The following EPB41L1 variants were observed in gnomAD, a reference collection of about 807,000 sequenced individuals.
EPB41L1 encodes the protein erythrocyte membrane protein band 4.1 like 1.
In EPB41L1, 29 loss-of-function variants were observed where a neutral mutation model predicts 97.8. The ratio of observed to expected loss-of-function variants is 0.30; its 90% confidence interval spans 0.22 to 0.40. The LOEUF (loss-of-function observed/expected upper bound fraction) is 0.40, where lower values mean the gene tolerates loss of function less well. Ranked by LOEUF, EPB41L1 falls within the 10% of genes least tolerant of loss-of-function variation. The pLI, the probability that EPB41L1 is intolerant of heterozygous loss-of-function variation, is 1.00. For missense variants in EPB41L1, 812 were observed against 1,162.3 expected, an observed-to-expected ratio of 0.70 and a Z score of 4.38; for synonymous variants, 383 against 459.2, an observed-to-expected ratio of 0.83 and a Z score of 2.12.
Position 36,206,672 on chromosome 20 carries a change from C to T in EPB41L1, c.1669-2816C>T. ...ACTTCCCCAAAGGAAGGGGCAGGGACCCCCAAGAACCATGGAGGACCTGGT... is the reference window on the plus strand; with the variant it reads ...ACTTCCCCAAAGGAAGGGGCAGGGATCCCCAAGAACCATGGAGGACCTGGT... On this transcript the variant is annotated intron_variant, in intron 14 of 21. Transcript: ENST00000338074. This position sits in a 1 kb window ranked among gnomAD's most constrained non-coding sequence, Gnocchi z 5.5. 2.3e-6 allele frequency: 3 copies of T among 1,289,808 alleles called. No individual in the cohort carries two copies. The highest frequency in any genetic ancestry group is 3.0e-6 in the Non-Finnish European group (3 of 988,866). The allele number at this position is 1,289,808 out of a possible 1,614,324, so 79.9% of individuals were successfully genotyped here.
chr20:36,206,946 G>C lies in EPB41L1; in HGVS notation c.1669-2542G>C. ...GCGCCCTTCCTCGGGCCATCCCTCT[G>C]AATGTCAGGAAGCCAGTCAAACCAG... On this transcript the variant is annotated intron_variant, in intron 14 of 21. Coordinates refer to ENST00000338074, the MANE Select transcript of EPB41L1 (RefSeq NM_012156.2). This position sits in a 1 kb window ranked among gnomAD's most constrained non-coding sequence, Gnocchi z 5.5. 7.8e-7 allele frequency: 1 copy of C among 1,289,932 alleles called. No homozygotes were observed. The highest frequency in any genetic ancestry group is 1.0e-6 in the Non-Finnish European group (1 of 988,896). The allele number at this position is 1,289,932 out of a possible 1,614,324, so 79.9% of individuals were successfully genotyped here. A position where few individuals can be genotyped will look rare whatever the true frequency, so the allele number is the denominator to read the frequency against.
chr20:36,203,639 A>G (rs2062622344), intron 14 of EPB41L1, among the ~76,000 whole-genome samples: 3 of 152,232 alleles, frequency 2.0e-5, no homozygotes, highest in Admixed American at 2.0e-4. Context: ...GGAAATGAGC[A>G]AAAGGACCTA....
intron 5 of EPB41L1, among the ~76,000 whole-genome samples, chr20:36,179,815 G>T (rs1407136613): frequency 3.3e-5 from 5 of 152,220 alleles, no homozygotes; most frequent in Non-Finnish European, 7.3e-5. Context: ...CTTCCTGAAG[G>T]TTCTGTCAGT....
intron 2 of EPB41L1, among the ~76,000 whole-genome samples, chr20:36,146,680 G>A (rs965007923): frequency 2.6e-5 from 4 of 152,204 alleles, no homozygotes; most frequent in Non-Finnish European, 4.4e-5. Flanking sequence ...CCAGCTTCTG[G>A]AAGTGAAGTG....
chr20:36,155,701 C>G (rs766737904), intron 1 of EPB41L1: 1 of 448,356 alleles, frequency 2.2e-6, no homozygotes, highest in Non-Finnish European at 4.5e-6. Flanking sequence ...ATGCTGGTCT[C>G]TCCCTCAGCT....
intron 1 of EPB41L1, among the ~76,000 whole-genome samples, chr20:36,157,178 C>G (rs533119283): frequency 6.6e-6 from 1 of 152,030 alleles, no homozygotes; most frequent in Admixed American, 6.5e-5. Flanking sequence ...GAGCCGACAT[C>G]GTGCCACTGC....
At chr20:36,193,852 A>G (rs1431421231) in intron 11 of EPB41L1, among the ~76,000 whole-genome samples, 1 of 152,216 alleles carries the variant, frequency 6.6e-6, no homozygotes, top group Admixed American at 6.5e-5. Context: ...ATTTATATAC[A>G]TTAGCTTGTT....
intron 1 of EPB41L1, among the ~76,000 whole-genome samples, chr20:36,170,296 T>C (rs2060934640): frequency 6.6e-6 from 1 of 152,198 alleles, no homozygotes. Flanking sequence ...TCTCCAAGTA[T>C]AGTAGCAAAA....
chr20:36,169,935 G>A (rs992138259), intron 1 of EPB41L1, among the ~76,000 whole-genome samples: 8 of 152,164 alleles, frequency 5.3e-5, no homozygotes, highest in Non-Finnish European at 1.0e-4. Flanking sequence ...ACCAGCACGT[G>A]CTTCCCTCCA....
chr20:36,141,154 T>C (rs2147827162), intron 2 of EPB41L1, among the ~76,000 whole-genome samples: 1 of 152,240 alleles, frequency 6.6e-6, no homozygotes, highest in Middle Eastern at 3.4e-3. Flanking sequence ...TCCTTATCTG[T>C]CAATATCAGA....
chr20:36,144,338 G>A (rs1001639978), intron 2 of EPB41L1, among the ~76,000 whole-genome samples: 1 of 152,082 alleles, frequency 6.6e-6, no homozygotes, highest in African/African-American at 2.4e-5. Context: ...CTTGAGCCAG[G>A]GTCTAGCTAC....
intron 2 of EPB41L1, 22 bp downstream of exon 2, chr20:36,173,976 C>T (rs761280005): frequency 3.7e-6 from 6 of 1,602,116 alleles, no homozygotes; most frequent in Middle Eastern, 1.7e-4. Context: ...AGAGCATGGG[C>T]GTACCTTTCC....
Position 36,232,293 on chromosome 20 carries a change from G to A in EPB41L1, c.*2953G>A, listed in dbSNP as rs1216862521. On this transcript the variant is annotated 3_prime_UTR_variant, in exon 22 of 22. Transcript: ENST00000338074. ...CACCCAGGAGGCCATGTAGCATAGT[G>A]GAAAAAGTCCCTGAGGGCGGTTAGG... 2 of 272,380 alleles carry A rather than the reference G, an allele frequency of 7.3e-6. No homozygotes were observed. The highest frequency in any genetic ancestry group is 1.4e-5 in the Non-Finnish European group (2 of 146,830). The allele number at this position is 272,380 out of a possible 1,614,324, so 16.9% of individuals were successfully genotyped here.
chr20:36,216,731 T>A (rs1394276648), intron 17 of EPB41L1, among the ~76,000 whole-genome samples: 1 of 152,172 alleles, frequency 6.6e-6, no homozygotes, highest in African/African-American at 2.4e-5. Context: ...AGGGCCCACA[T>A]GCCACTGGGA....
intron 6 of EPB41L1, among the ~76,000 whole-genome samples, chr20:36,182,893 G>A (rs1006930715): frequency 6.6e-6 from 1 of 152,224 alleles, no homozygotes; most frequent in Non-Finnish European, 1.5e-5. Context: ...ACTTTGGTCT[G>A]CATGCCACTC....
At chr20:36,186,531 G>T (rs192701855) in intron 7 of EPB41L1, among the ~76,000 whole-genome samples, 3 of 152,052 alleles carry the variant, frequency 2.0e-5, no homozygotes, top group Non-Finnish European at 2.9e-5. Flanking sequence ...TCTGAGAGTC[G>T]CACACTAACT....
chr20:36,138,379 C>A (rs531606003), intron 2 of EPB41L1, among the ~76,000 whole-genome samples: 33 of 151,974 alleles, frequency 2.2e-4, no homozygotes, highest in African/African-American at 8.0e-4. Flanking sequence ...AGTTCTCCTG[C>A]CTCAGCCTCC....
In EPB41L1 at chr20:36,154,822, G is replaced by T. The variant is rs1419871392; in HGVS notation, c.-89G>T. The T allele has an allele frequency of 2.9e-4, 284 of 992,478 alleles. No homozygotes were observed. Among genetic ancestry groups the T allele is most frequent in the Non-Finnish European group, 3.3e-4 (279 of 834,440 alleles). The allele number at this position is 992,478 out of a possible 1,614,324, so 61.5% of individuals were successfully genotyped here. ...CCGCGACCCCGCGCCGCCCCGCCCCGCGGCCTGCCTGCCAGAGGAGCCGAG... is the reference window on the plus strand; with the variant it reads ...CCGCGACCCCGCGCCGCCCCGCCCCTCGGCCTGCCTGCCAGAGGAGCCGAG... On this transcript the variant is annotated 5_prime_UTR_variant, in exon 1 of 22. Transcript: ENST00000338074. The surrounding 1 kb of genome is among the most constrained non-coding windows in gnomAD (Gnocchi z 5.5).
chr20:36,155,716 G>A (rs1010981447), intron 1 of EPB41L1: 2 of 443,418 alleles, frequency 4.5e-6, no homozygotes, highest in East Asian at 1.4e-4. Context: ...TCAGCTGCCA[G>A]CCATCGTCGT....
Sources: allele counts gnomAD v4.1 joint callset (sites outside exome capture counted in the v4.1 genomes callset), GRCh38; gene constraint gnomAD v4.1.1; non-coding constraint Gnocchi (gnomAD v3.1); transcripts MANE v1.5; gene names NCBI Gene and HGNC (gene_info 2026-07-23, HGNC 2026-07-21).